Variants in PTPRG observed in about 807,000 individuals in gnomAD.
PTPRG encodes protein tyrosine phosphatase receptor type G.
In PTPRG, 102 loss-of-function variants were observed where a neutral mutation model predicts 165.3. The ratio of observed to expected loss-of-function variants is 0.62; its 90% confidence interval spans 0.53 to 0.73. The LOEUF (loss-of-function observed/expected upper bound fraction) is 0.73, where lower values mean the gene tolerates loss of function less well. Among genes scored for constraint, PTPRG ranks in the 30% least tolerant of loss-of-function variants. The pLI, the probability that PTPRG is intolerant of heterozygous loss-of-function variation, is 0.00. For synonymous variants in PTPRG, 675 were observed against 669.5 expected, an observed-to-expected ratio of 1.01 and a Z score of -0.13; for missense variants, 1,866 against 1,861.4, an observed-to-expected ratio of 1.00 and a Z score of -0.05.
chr3:62,204,909 A>G (rs1375436935), intron 12 of PTPRG, among the ~76,000 whole-genome samples: 1 of 152,104 alleles, frequency 6.6e-6, no homozygotes, highest in Non-Finnish European at 1.5e-5. Context: ...TATTGTTGTG[A>G]GGGCTTTTCT....
At chr3:61,766,244 C>T (rs1169556865) in intron 2 of PTPRG, among the ~76,000 whole-genome samples, 1 of 152,138 alleles carries the variant, frequency 6.6e-6, no homozygotes, top group African/African-American at 2.4e-5. Flanking sequence ...CATTCCTATA[C>T]AGTTTCGAGC....
At chr3:61,840,765 GT>G (rs145859383) in intron 2 of PTPRG, among the ~76,000 whole-genome samples, 1 of 119,542 alleles carries the variant, frequency 8.4e-6, no homozygotes. Context: ...TTCAGATGGA[GT>G]TTTTTTTGTT....
intron 1 of PTPRG, among the ~76,000 whole-genome samples, chr3:61,747,592 G>C (rs921037800): frequency 9.2e-5 from 14 of 152,032 alleles, no homozygotes; most frequent in Admixed American, 9.2e-4. Flanking sequence ...TTTAATGCTA[G>C]TCTTTTTAAT....
chr3:61,735,115 C>G (rs2032668852), intron 1 of PTPRG, among the ~76,000 whole-genome samples: 1 of 152,134 alleles, frequency 6.6e-6, no homozygotes, highest in Admixed American at 6.5e-5. Context: ...AAACATTTTT[C>G]CTCATATAAT....
At chr3:62,201,323 T>C (rs1289259932) in intron 10 of PTPRG, among the ~76,000 whole-genome samples, 182 bp from the exon 11 acceptor site, 1 of 152,232 alleles carries the variant, frequency 6.6e-6, no homozygotes, top group African/African-American at 2.4e-5. Context: ...GCTCTCCGCA[T>C]GTTTTTGTAG....
chr3:62,150,723 A>G (rs538920669), intron 6 of PTPRG, among the ~76,000 whole-genome samples: 68 of 152,332 alleles, frequency 4.5e-4, no homozygotes, highest in Non-Finnish European at 8.4e-4. Flanking sequence ...CATTGGGCTA[A>G]AAACAGAAGC....
At chr3:61,694,884 C>G (rs2030470266) in intron 1 of PTPRG, among the ~76,000 whole-genome samples, 1 of 152,208 alleles carries the variant, frequency 6.6e-6, no homozygotes, top group African/African-American at 2.4e-5. Flanking sequence ...CTCTCACCCT[C>G]ACTCTCTCTC....
intron 5 of PTPRG, among the ~76,000 whole-genome samples, chr3:62,087,032 G>A (rs903129584): frequency 1.1e-4 from 17 of 152,184 alleles, no homozygotes; most frequent in African/African-American, 3.6e-4. Flanking sequence ...CTTCAAGGAC[G>A]TTACCAAGTA....
chr3:62,091,326 A>G (rs937397467), intron 5 of PTPRG, among the ~76,000 whole-genome samples: 5 of 152,188 alleles, frequency 3.3e-5, no homozygotes, highest in Non-Finnish European at 7.4e-5. Flanking sequence ...ACCAAATTCA[A>G]ATTTCCTCAA....
At chr3:61,917,228 C>T (rs892941766) in intron 2 of PTPRG, among the ~76,000 whole-genome samples, 4 of 152,190 alleles carry the variant, frequency 2.6e-5, no homozygotes, top group Non-Finnish European at 5.9e-5. Flanking sequence ...TTCCACAAAC[C>T]TCCTGCCCTG....
intron 1 of PTPRG, among the ~76,000 whole-genome samples, chr3:61,692,981 C>T (rs1317706298): frequency 2.6e-5 from 4 of 152,112 alleles, no homozygotes; most frequent in Non-Finnish European, 5.9e-5. Context: ...AGGGTCTTCC[C>T]AGCCCTATTA....
intron 7 of PTPRG, among the ~76,000 whole-genome samples, chr3:62,157,824 A>T (rs1166371076): frequency 2.0e-5 from 3 of 152,352 alleles, no homozygotes; most frequent in Non-Finnish European, 4.4e-5. Context: ...AATAAAACAT[A>T]CCATTGATTG....
At chr3:61,898,031 A>G (rs527943109) in intron 2 of PTPRG, among the ~76,000 whole-genome samples, 3 of 152,104 alleles carry the variant, frequency 2.0e-5, no homozygotes, top group South Asian at 4.2e-4. Context: ...TTCTTTCTGT[A>G]TGACTTTACT....
intron 1 of PTPRG, among the ~76,000 whole-genome samples, chr3:61,648,970 G>A (rs1278873442): frequency 7.2e-5 from 11 of 152,108 alleles, no homozygotes; most frequent in African/African-American, 1.2e-4. Flanking sequence ...GCAAATAGAC[G>A]TTTCATATAG....
chr3:61,815,408 A>G (rs2035728485), intron 2 of PTPRG, among the ~76,000 whole-genome samples: 1 of 152,114 alleles, frequency 6.6e-6, no homozygotes, highest in East Asian at 1.9e-4. Context: ...CTCAAAAATT[A>G]AAATTAAAAA....
At chr3:62,201,436 C>CA in intron 10 of PTPRG, 69 bp from the exon 11 acceptor site, 1 of 1,202,402 alleles carries the variant, frequency 8.3e-7, no homozygotes, top group Non-Finnish European at 1.2e-6. Flanking sequence ...GATTTGTGTT[C>CA]ATAAGGAATA....
intron 2 of PTPRG, chr3:61,753,601 T>TTG: frequency 2.7e-5 from 12 of 441,366 alleles, no homozygotes; most frequent in Non-Finnish European, 4.5e-5. Flanking sequence ...TTTTTTTTTT[T>TTG]GGAGATTGGA....
At chr3:61,707,086 A>G (rs948009994) in intron 1 of PTPRG, among the ~76,000 whole-genome samples, 1 of 152,176 alleles carries the variant, frequency 6.6e-6, no homozygotes, top group Non-Finnish European at 1.5e-5. Flanking sequence ...TGTTGTTATA[A>G]TAACTGCTGC....
intron 1 of PTPRG, among the ~76,000 whole-genome samples, chr3:61,638,667 G>T (rs1364076140): frequency 7.9e-6 from 1 of 126,884 alleles, no homozygotes; most frequent in African/African-American, 3.0e-5. Flanking sequence ...TGAACTCCTA[G>T]CCTCAAGTGA....
Sources: gnomAD v4.1 joint callset for allele counts (sites outside exome capture counted in the v4.1 genomes callset) on GRCh38, gnomAD v4.1.1 for gene constraint, MANE v1.5 for transcripts, NCBI Gene and HGNC (gene_info 2026-07-23, HGNC 2026-07-21) for gene names.